Variants in PTPN13 observed in about 807,000 individuals in gnomAD.
PTPN13 encodes protein tyrosine phosphatase non-receptor type 13.
A neutral mutation model predicts 284.0 loss-of-function variants in PTPN13; 191 were observed. That is an observed-to-expected ratio of 0.67 (90% CI 0.60 to 0.76). The LOEUF is 0.76. PTPN13 is among the 30% of genes least tolerant of loss of function. PTPN13 has a pLI of 0.00. For synonymous variants in PTPN13, 986 were observed against 1,022.3 expected (o/e 0.96, Z 0.68); for missense variants, 2,797 against 2,939.9 (o/e 0.95, Z 1.12).
At chr4:86,724,004 T>G (rs1271571153) in intron 10 of PTPN13, among the ~76,000 whole-genome samples, 1 of 152,196 alleles carries the variant, frequency 6.6e-6, no homozygotes, top group East Asian at 1.9e-4. Flanking sequence ...GAGAAAAAGC[T>G]GTTGGTTGGT....
At chr4:86,777,779 T>C (rs939998896) in intron 35 of PTPN13, among the ~76,000 whole-genome samples, 3 of 152,208 alleles carry the variant, frequency 2.0e-5, no homozygotes, top group Admixed American at 6.5e-5. Context: ...TACTTTTTTT[T>C]CCCCTTGAAC....
chr4:86,734,595 T>G, intron 13 of PTPN13, 139 bp downstream of exon 13: 1 of 1,265,976 alleles, frequency 7.9e-7, no homozygotes, highest in Non-Finnish European at 1.1e-6. Flanking sequence ...TTCAACACAG[T>G]TTATCTAATC....
At chr4:86,630,019 G>A (rs1408088809) in intron 1 of PTPN13, among the ~76,000 whole-genome samples, 2 of 152,038 alleles carry the variant, frequency 1.3e-5, no homozygotes, top group African/African-American at 4.8e-5. Flanking sequence ...TCTCACCTTG[G>A]CCTCCCAAAG....
At chr4:86,770,302 A>G in intron 30 of PTPN13, 103 bp downstream of exon 30, 1 of 1,057,094 alleles carries the variant, frequency 9.5e-7, no homozygotes, top group Non-Finnish European at 1.4e-6. Context: ...CCTGGGTTTC[A>G]TACCTAGCTA....
At chr4:86,775,760 C>A in intron 35 of PTPN13, 108 bp downstream of exon 35, 1 of 916,926 alleles carries the variant, frequency 1.1e-6, no homozygotes, top group Non-Finnish European at 1.6e-6. Context: ...AATTCATAGA[C>A]TAAATTGGCA....
intron 1 of PTPN13, among the ~76,000 whole-genome samples, chr4:86,615,632 A>G (rs185747838): frequency 8.5e-4 from 129 of 152,246 alleles, no homozygotes; most frequent in Admixed American, 1.2e-3. Context: ...GAAAATCCCT[A>G]TGACATCCTC....
chr4:86,803,241 A>G (rs1332520163), intron 42 of PTPN13, among the ~76,000 whole-genome samples: 1 of 150,530 alleles, frequency 6.6e-6, no homozygotes, highest in Non-Finnish European at 1.5e-5. Flanking sequence ...TATTGTGTAT[A>G]TATATAGAAT....
rs535624602 is a variant in PTPN13 at position 86,730,407 on chromosome 4, A to G, written c.1609-1993A>G. On this transcript the variant is annotated intron_variant, in intron 10 of 47. Coordinates refer to ENST00000411767, the MANE Select transcript of PTPN13 (RefSeq NM_080683.3). ...CCTTTTGTTCAGCTATGCCCTGGCC[A>G]CAGAGGTGGAGTCTGTAGAGGAAGC... 6.7e-4 allele frequency among the ~76,000 whole-genome samples: 101 copies of G among 150,028 alleles called. 9 individuals are homozygous for G. Among genetic ancestry groups the G allele is most frequent in the Non-Finnish European group, 1.4e-3 (93 of 66,704 alleles).
intron 1 of PTPN13, among the ~76,000 whole-genome samples, chr4:86,596,917 A>G (rs1763859136): frequency 1.3e-5 from 2 of 152,230 alleles, no homozygotes; most frequent in Admixed American, 1.3e-4. Flanking sequence ...AAAGAAACAC[A>G]ACCATACTCC....
intron 7 of PTPN13, among the ~76,000 whole-genome samples, chr4:86,713,790 CG>C (rs1477369855): frequency 6.6e-6 from 1 of 152,050 alleles, no homozygotes; most frequent in Non-Finnish European, 1.5e-5. Flanking sequence ...TTTCTTGGGG[CG>C]TGAACTCTCA....
At chr4:86,601,663 A>G (rs927621985) in intron 1 of PTPN13, among the ~76,000 whole-genome samples, 1 of 152,150 alleles carries the variant, frequency 6.6e-6, no homozygotes, top group African/African-American at 2.4e-5. Flanking sequence ...ATGTTAGTAC[A>G]TCAAACTTTC....
chr4:86,719,575 C>T (rs553084005), intron 9 of PTPN13, among the ~76,000 whole-genome samples: 12 of 152,244 alleles, frequency 7.9e-5, no homozygotes, highest in African/African-American at 2.9e-4. Flanking sequence ...AATGATTGAA[C>T]TAATTTGCTC....
Position 86,766,453 on chromosome 4 carries a change from A to C in PTPN13, c.4265A>C (p.Asn1422Thr). ...IHKGDRVLAV[N>T]GVSLEGATHK... The stretch of plus-strand genomic sequence containing the variant: ...TTAGGTGATCGCGTCCTAGCTGTCA[A>C]TGGAGTTAGTCTAGAAGGAGCCACC... Residue 1422 changes from asparagine to threonine, a missense_variant, in exon 27 of 48, where the codon AAT (asparagine) becomes ACT (threonine). Coordinates refer to ENST00000411767, the MANE Select transcript of PTPN13 (RefSeq NM_080683.3). 6.2e-7 allele frequency: 1 copy of C among 1,609,372 alleles called. No individual in the cohort carries two copies. Among genetic ancestry groups the C allele is most frequent in the Non-Finnish European group, 8.5e-7 (1 of 1,178,734 alleles).
In PTPN13 at chr4:86,734,389, A is replaced by G. The variant is rs1735268147; in HGVS notation, c.1945A>G (p.Lys649Glu). The change falls in exon 13 of 48, where the codon AAA becomes GAA. Residue 649 changes from lysine (K) to glutamate (E), a missense_variant. Coordinates refer to ENST00000411767, the MANE Select transcript of PTPN13 (RefSeq NM_080683.3). Reference sequence around the variant, plus strand: ...GAAAGAAGAACCAAAGAAAAAGACCAAAGCCACTGTTAATTTTACTTTGTT... The same window carrying G: ...GAAAGAAGAACCAAAGAAAAAGACCGAAGCCACTGTTAATTTTACTTTGTT... ...GWKEEPKKKTKATVNFTLFFR... is the reference protein window; with the variant it reads ...GWKEEPKKKTEATVNFTLFFR... 1 of 1,562,256 alleles carries G rather than the reference A, an allele frequency of 6.4e-7. No homozygotes were observed. Among genetic ancestry groups the G allele is most frequent in the Non-Finnish European group, 8.7e-7 (1 of 1,151,256 alleles).
intron 6 of PTPN13, among the ~76,000 whole-genome samples, chr4:86,699,388 C>T (rs962353044): frequency 2.0e-5 from 3 of 150,960 alleles, no homozygotes; most frequent in Admixed American, 6.6e-5. Context: ...TCTATCCCCC[C>T]TCCAAAAAAA....
intron 7 of PTPN13, among the ~76,000 whole-genome samples, chr4:86,707,547 A>C (rs1731902509): frequency 6.6e-6 from 1 of 152,190 alleles, no homozygotes; most frequent in Non-Finnish European, 1.5e-5. Context: ...TACGCTTAAG[A>C]AAAGCAAAGG....
intron 1 of PTPN13, among the ~76,000 whole-genome samples, chr4:86,608,144 G>A (rs936335462): frequency 6.6e-6 from 1 of 151,888 alleles, no homozygotes; most frequent in African/African-American, 2.4e-5. Flanking sequence ...TTTTTGTGTT[G>A]CCTTATTTTT....
intron 1 of PTPN13, among the ~76,000 whole-genome samples, chr4:86,616,121 G>A (rs1028204751): frequency 1.3e-5 from 2 of 152,166 alleles, no homozygotes; most frequent in Non-Finnish European, 2.9e-5. Flanking sequence ...AATCTGTTGT[G>A]TACTAGCAGT....
chr4:86,603,086 T>C (rs1764449225), intron 1 of PTPN13, among the ~76,000 whole-genome samples: 1 of 152,192 alleles, frequency 6.6e-6, no homozygotes, highest in Non-Finnish European at 1.5e-5. Flanking sequence ...TCCTTTTTGG[T>C]GGTATATCTC....
Sources: gnomAD v4.1 joint callset for allele counts (sites outside exome capture counted in the v4.1 genomes callset) on GRCh38, gnomAD v4.1.1 for gene constraint, MANE v1.5 for transcripts, NCBI Gene and HGNC (gene_info 2026-07-23, HGNC 2026-07-21) for gene names.